The following CACNA2D3 variants were observed in gnomAD, a reference collection of about 807,000 sequenced individuals.
The protein encoded by CACNA2D3 is calcium voltage-gated channel auxiliary subunit alpha2delta 3.
CACNA2D3 carries 60 observed loss-of-function variants against 160.6 expected under a neutral mutation model. The observed-to-expected ratio is 0.37, with a 90% CI of 0.30 to 0.46. The LOEUF (loss-of-function observed/expected upper bound fraction) is 0.46, where lower values mean the gene tolerates loss of function less well. Among genes scored for constraint, CACNA2D3 ranks in the 20% least tolerant of loss-of-function variants. The pLI is 1.00. For missense variants in CACNA2D3, 1,205 were observed against 1,365.0 expected, an observed-to-expected ratio of 0.88 and a Z score of 1.85; for synonymous variants, 558 against 492.9, an observed-to-expected ratio of 1.13 and a Z score of -1.75.
At chr3:55,060,594 G>A (rs192465626) in intron 35 of CACNA2D3, among the ~76,000 whole-genome samples, 240 of 152,226 alleles carry the variant, frequency 1.6e-3, no homozygotes, top group Non-Finnish European at 2.8e-3. Flanking sequence ...GCTTAGAAAA[G>A]GGTTTGGCAT....
At chr3:54,234,599 G>C (rs1405736885) in intron 2 of CACNA2D3, among the ~76,000 whole-genome samples, 1 of 152,128 alleles carries the variant, frequency 6.6e-6, no homozygotes, top group African/African-American at 2.4e-5. Flanking sequence ...CAAAGACATG[G>C]AATTAACCTA....
chr3:54,855,565 A>G (rs1416222550), intron 17 of CACNA2D3, among the ~76,000 whole-genome samples: 1 of 152,206 alleles, frequency 6.6e-6, no homozygotes, highest in African/African-American at 2.4e-5. Context: ...GAGAAAGAAG[A>G]AAGGAAATAT....
intron 24 of CACNA2D3, among the ~76,000 whole-genome samples, chr3:54,889,010 G>A (rs1298116785): frequency 6.6e-6 from 1 of 152,210 alleles, no homozygotes; most frequent in Admixed American, 6.5e-5. Context: ...CTAAAGTGGA[G>A]GAGGAAGATG....
intron 8 of CACNA2D3, among the ~76,000 whole-genome samples, chr3:54,576,238 C>T (rs563564248): frequency 6.6e-6 from 1 of 152,270 alleles, no homozygotes; most frequent in East Asian, 1.9e-4. Flanking sequence ...TAGGTGGGTT[C>T]CTCACTGTTA....
At chr3:54,712,906 G>A (rs1700979679) in intron 11 of CACNA2D3, among the ~76,000 whole-genome samples, 1 of 152,170 alleles carries the variant, frequency 6.6e-6, no homozygotes, top group Non-Finnish European at 1.5e-5. Context: ...CATCTGATTA[G>A]CAATCTTAAT....
Position 54,554,834 on chromosome 3 carries a change from G to A in CACNA2D3, c.545-7966G>A, listed in dbSNP as rs961537922. On this transcript the variant is annotated intron_variant, in intron 5 of 37. Coordinates refer to ENST00000474759, the MANE Select transcript of CACNA2D3 (RefSeq NM_018398.3). The stretch of plus-strand genomic sequence containing the variant: ...GGTGAAAGTTGGAAGCCCCTCTTGA[G>A]ACTTTATTTATTTCTTTTCTTTTCT... Among the ~76,000 whole-genome samples, 8 of 142,756 alleles carry A rather than the reference G, an allele frequency of 5.6e-5. No homozygotes were observed. In the Admixed American group the frequency reaches 5.6e-4, roughly 10 times the overall value. The allele number at this position is 142,756 out of a possible 152,430, so 93.7% of individuals were successfully genotyped here.
intron 2 of CACNA2D3, among the ~76,000 whole-genome samples, chr3:54,160,066 G>T (rs1415184727): frequency 1.3e-5 from 2 of 152,286 alleles, no homozygotes; most frequent in African/African-American, 4.8e-5. Flanking sequence ...TGATGATTTT[G>T]TAATATTGTT....
intron 35 of CACNA2D3, among the ~76,000 whole-genome samples, chr3:55,019,660 A>G (rs1422421152): frequency 1.3e-5 from 2 of 152,174 alleles, no homozygotes; most frequent in African/African-American, 2.4e-5. Flanking sequence ...TTGTTTGTGT[A>G]TGGATGCTCT....
chr3:55,021,675 A>ATG (rs1337271198), intron 35 of CACNA2D3, among the ~76,000 whole-genome samples: 30 of 140,052 alleles, frequency 2.1e-4, no homozygotes, highest in African/African-American at 2.6e-4. Flanking sequence ...GTATATATAT[A>ATG]TGTGTATATA....
chr3:54,962,896 C>T (rs1702065564), intron 27 of CACNA2D3, among the ~76,000 whole-genome samples: 2 of 152,066 alleles, frequency 1.3e-5, no homozygotes, highest in African/African-American at 4.8e-5. Flanking sequence ...AGGCCAACCC[C>T]ACAGGAAATT....
At chr3:54,925,268 T>C in intron 27 of CACNA2D3, 1 of 1,435,900 alleles carries the variant, frequency 7.0e-7, no homozygotes, top group Non-Finnish European at 9.6e-7. Context: ...AGGTGTGGTA[T>C]CAGCACTTTT....
At chr3:54,142,952 T>A (rs765779353) in intron 2 of CACNA2D3, among the ~76,000 whole-genome samples, 5 of 152,146 alleles carry the variant, frequency 3.3e-5, no homozygotes, top group Non-Finnish European at 7.4e-5. Flanking sequence ...AAGCCATCCC[T>A]CTCCCTGAGT....
intron 32 of CACNA2D3, 63 bp downstream of exon 32, chr3:55,004,901 G>A: frequency 8.9e-7 from 1 of 1,125,066 alleles, no homozygotes; most frequent in Non-Finnish European, 1.3e-6. Context: ...CTGTCTGAGT[G>A]TTATCTTCCT....
chr3:54,789,469 C>G (rs956186198), intron 13 of CACNA2D3, among the ~76,000 whole-genome samples: 1 of 152,180 alleles, frequency 6.6e-6, no homozygotes, highest in African/African-American at 2.4e-5. Flanking sequence ...AAGGTATGAT[C>G]ATGTGCTTGG....
chr3:54,970,580 C>A, intron 29 of CACNA2D3, among the ~76,000 whole-genome samples: 1 of 43,540 alleles, frequency 2.3e-5, no homozygotes, highest in Middle Eastern at 0.013. Context: ...CCTCCCTTCC[C>A]CTCCCCTCCT....
intron 27 of CACNA2D3, chr3:54,918,399 G>T: frequency 8.0e-7 from 1 of 1,245,320 alleles, no homozygotes; most frequent in Non-Finnish European, 1.1e-6. Context: ...AAACACATCA[G>T]CCCTACTCAG....
At chr3:54,361,463 A>G (rs1013457609) in intron 3 of CACNA2D3, among the ~76,000 whole-genome samples, 5 of 152,194 alleles carry the variant, frequency 3.3e-5, no homozygotes, top group African/African-American at 1.2e-4. Flanking sequence ...GAGCATATCC[A>G]CTTTAGTTTT....
At chr3:54,776,720 C>T (rs1702431946) in intron 13 of CACNA2D3, among the ~76,000 whole-genome samples, 2 of 152,124 alleles carry the variant, frequency 1.3e-5, no homozygotes, top group African/African-American at 2.4e-5. Flanking sequence ...GTCTTCTTTC[C>T]TATTCTCTGA....
chr3:54,841,087 CA>C (rs1698810045), intron 16 of CACNA2D3, among the ~76,000 whole-genome samples: 1 of 152,124 alleles, frequency 6.6e-6, no homozygotes, highest in South Asian at 2.1e-4. Context: ...CAATGACAAT[CA>C]TAATAGTAAT....
Sources: allele counts gnomAD v4.1 joint callset (sites outside exome capture counted in the v4.1 genomes callset), GRCh38; gene constraint gnomAD v4.1.1; transcripts MANE v1.5; gene names NCBI Gene and HGNC (gene_info 2026-07-23, HGNC 2026-07-21).